The following PTPRT variants were observed in gnomAD, a reference collection of about 807,000 sequenced individuals.
The protein encoded by PTPRT is protein tyrosine phosphatase receptor type T, also known as receptor-type tyrosine-protein phosphatase T.
A neutral mutation model predicts 176.8 loss-of-function variants in PTPRT; 56 were observed. The ratio of observed to expected loss-of-function variants is 0.32; its 90% CI spans 0.26 to 0.40. PTPRT has a LOEUF of 0.40. Among genes scored for constraint, PTPRT ranks in the 10% least tolerant of loss-of-function variants. PTPRT has a pLI of 1.00. For synonymous variants in PTPRT, 783 were observed against 739.0 expected, an observed-to-expected ratio of 1.06 and a Z score of -0.96; for missense variants, 1,540 against 1,908.2, an observed-to-expected ratio of 0.81 and a Z score of 3.60.
Position 42,322,029 on chromosome 20 carries a change from G to A in PTPRT, c.1866-6033C>T, listed in dbSNP as rs542040743. ...CAGAGCTGCAGTTAGCCGAGATCACGCCACTGCACTCCAGCCTGGGTAACA... is the reference window on the plus strand; with the variant it reads ...CAGAGCTGCAGTTAGCCGAGATCACACCACTGCACTCCAGCCTGGGTAACA... On this transcript the variant is annotated intron_variant, in intron 11 of 30. Coordinates refer to ENST00000373187, the MANE Select transcript of PTPRT (RefSeq NM_007050.6). Among the ~76,000 whole-genome samples the A allele has an allele frequency of 3.3e-5, 5 of 152,228 alleles. No individual in the cohort carries two copies. In the East Asian group the frequency reaches 5.8e-4, roughly 18 times the overall value.
At chr20:43,068,314 C>T (rs1373361617) in intron 1 of PTPRT, among the ~76,000 whole-genome samples, 2 of 150,420 alleles carry the variant, frequency 1.3e-5, no homozygotes, top group Admixed American at 1.3e-4. Context: ...ACTATCCTGG[C>T]TAACACGGTG....
At chr20:42,091,162 GC>G (rs1421973172) in intron 27 of PTPRT, among the ~76,000 whole-genome samples, 1 of 152,190 alleles carries the variant, frequency 6.6e-6, no homozygotes, top group African/African-American at 2.4e-5. Flanking sequence ...GTTAAACCAA[GC>G]AAAGGTTGTG....
At chr20:42,697,091 T>C (rs2075892140) in intron 6 of PTPRT, among the ~76,000 whole-genome samples, 2 of 151,998 alleles carry the variant, frequency 1.3e-5, no homozygotes, top group African/African-American at 2.4e-5. Context: ...GAAGTTAATA[T>C]AATAAAAAGG....
chr20:42,789,616 C>T (rs540112258), intron 3 of PTPRT, among the ~76,000 whole-genome samples: 3 of 152,252 alleles, frequency 2.0e-5, no homozygotes, highest in African/African-American at 7.2e-5. Flanking sequence ...TAGGTATCAC[C>T]ATCACCACCA....
chr20:42,218,915 C>T (rs1343656993), intron 15 of PTPRT, among the ~76,000 whole-genome samples: 1 of 152,152 alleles, frequency 6.6e-6, no homozygotes, highest in East Asian at 1.9e-4. Flanking sequence ...AGAGGCAGTG[C>T]CAGCAAGACA....
At chr20:42,833,328 A>G (rs1052353374) in intron 2 of PTPRT, among the ~76,000 whole-genome samples, 1 of 151,432 alleles carries the variant, frequency 6.6e-6, no homozygotes, top group Non-Finnish European at 1.5e-5. Flanking sequence ...TGCCAACACT[A>G]TGAGAGGCTG....
intron 7 of PTPRT, among the ~76,000 whole-genome samples, chr20:42,549,325 T>C (rs1022641841): frequency 6.6e-6 from 1 of 152,050 alleles, no homozygotes; most frequent in Non-Finnish European, 1.5e-5. Context: ...TGAAGTAGAA[T>C]GAGTGATAAA....
chr20:42,657,135 A>C (rs1164859041), intron 7 of PTPRT, among the ~76,000 whole-genome samples: 3 of 151,964 alleles, frequency 2.0e-5, no homozygotes, highest in African/African-American at 4.8e-5. Context: ...TTTGCTCCAC[A>C]CTTCTACTTC....
Position 42,625,428 on chromosome 20 carries a change from C to A in PTPRT, c.1153+52438G>T, listed in dbSNP as rs374352780. Among the ~76,000 whole-genome samples, 7 of 151,994 alleles carry A rather than the reference C, an allele frequency of 4.6e-5. No individual in the cohort carries two copies. In the East Asian group the frequency reaches 1.2e-3, roughly 25 times the overall value. ...CCTAGCATATGAAACATACCAGAAC[C>A]TTTTCTAGTTTTTTTTTTTCTTTAA... On this transcript the variant is annotated intron_variant, in intron 7 of 30. Coordinates refer to ENST00000373187, the MANE Select transcript of PTPRT (RefSeq NM_007050.6).
chr20:42,345,612 GTGTGTGTATA>G (rs1176687690), intron 11 of PTPRT, among the ~76,000 whole-genome samples: 2 of 131,688 alleles, frequency 1.5e-5, no homozygotes, highest in Non-Finnish European at 3.4e-5. Flanking sequence ...GTGTGTGTGT[GTGTGTGTATA>G]TATATGTATG....
chr20:42,315,184 C>CAAAAAAAAAAAAAAAAAAAAAAAAAAAAA (rs71193656), intron 12 of PTPRT, among the ~76,000 whole-genome samples: 1 of 63,404 alleles, frequency 1.6e-5, no homozygotes, highest in African/African-American at 7.1e-5. Flanking sequence ...GGCTCCGTCT[C>CAAAAAAAAAAAAAAAAAAAAAAAAAAAAA]AAAAAAAAAA....
chr20:42,293,477 T>A (rs2057346390), intron 12 of PTPRT, among the ~76,000 whole-genome samples: 1 of 152,230 alleles, frequency 6.6e-6, no homozygotes, highest in African/African-American at 2.4e-5. Flanking sequence ...TCTTTGCCTA[T>A]GTATTTATCC....
chr20:42,316,542 T>C (rs571446913), intron 11 of PTPRT, among the ~76,000 whole-genome samples: 13 of 152,344 alleles, frequency 8.5e-5, no homozygotes, highest in African/African-American at 2.2e-4. Context: ...CCTAATCATA[T>C]GGCTTCCTAA....
chr20:42,366,412 G>A (rs2058515028), intron 9 of PTPRT, among the ~76,000 whole-genome samples: 1 of 152,218 alleles, frequency 6.6e-6, no homozygotes, highest in Non-Finnish European at 1.5e-5. Context: ...CAGCTTCTGA[G>A]AGATTCTGGC....
chr20:42,910,108 A>G (rs1225527594), intron 1 of PTPRT, among the ~76,000 whole-genome samples: 1 of 152,122 alleles, frequency 6.6e-6, no homozygotes, highest in Non-Finnish European at 1.5e-5. Flanking sequence ...TATATTTCAC[A>G]TGAAGCCCCA....
chr20:42,339,949 C>A (rs1308511701), intron 11 of PTPRT, among the ~76,000 whole-genome samples: 7 of 152,124 alleles, frequency 4.6e-5, no homozygotes, highest in Non-Finnish European at 8.8e-5. Context: ...ATGATAGGAT[C>A]CCTGGCCTTT....
intron 1 of PTPRT, among the ~76,000 whole-genome samples, chr20:43,106,316 A>C (rs1192610954): frequency 6.6e-6 from 1 of 151,930 alleles, no homozygotes; most frequent in Non-Finnish European, 1.5e-5. Flanking sequence ...TAACAAAAAG[A>C]AAGTAAAGGG....
intron 1 of PTPRT, among the ~76,000 whole-genome samples, chr20:42,922,880 C>T (rs531634282): frequency 4.6e-5 from 7 of 152,126 alleles, no homozygotes; most frequent in Non-Finnish European, 1.0e-4. Flanking sequence ...TGTCTCCTCA[C>T]CCTTGGAAAT....
chr20:42,253,634 T>C (rs531489173), intron 13 of PTPRT, among the ~76,000 whole-genome samples: 4 of 152,278 alleles, frequency 2.6e-5, no homozygotes, highest in African/African-American at 9.6e-5. Context: ...AATTGGCATC[T>C]AGGCAGGCAC....
Sources: gnomAD v4.1 joint callset for allele counts (sites outside exome capture counted in the v4.1 genomes callset) on GRCh38, gnomAD v4.1.1 for gene constraint, MANE v1.5 for transcripts, NCBI Gene and HGNC (gene_info 2026-07-23, HGNC 2026-07-21) for gene names.